Variants in SMYD3 observed in about 807,000 individuals in gnomAD.
SMYD3 encodes histone-lysine N-methyltransferase SMYD3.
SMYD3 carries 36 observed loss-of-function variants against 57.7 expected under a neutral mutation model. The ratio of observed to expected loss-of-function variants is 0.62; its 90% CI spans 0.48 to 0.82. The LOEUF is 0.82. SMYD3 is among the 40% of genes least tolerant of loss of function. The probability of loss-of-function intolerance (pLI) is 0.00; values close to 1 mark genes in which losing one functional copy is unlikely to be tolerated. For missense variants in SMYD3, 515 were observed against 538.8 expected (o/e 0.96, Z 0.44); for synonymous variants, 211 against 195.0 (o/e 1.08, Z -0.68).
chr1:246,247,444 ACTCTCTCTCTCTCTCTCT>A (rs143476169), intron 5 of SMYD3, among the ~76,000 whole-genome samples: 7,494 of 142,708 alleles, frequency 0.053, 279 homozygotes, highest in African/African-American at 0.089. Context: ...GAGAAGGATA[ACTCTCTCTCTCTCTCTCT>A]CTCTATATAT....
At chr1:246,284,728 A>G (rs1273855919) in intron 5 of SMYD3, among the ~76,000 whole-genome samples, 1 of 151,660 alleles carries the variant, frequency 6.6e-6, no homozygotes, top group African/African-American at 2.4e-5. Context: ...TAATTCTTTT[A>G]TTTTTCTTTA....
intron 8 of SMYD3, among the ~76,000 whole-genome samples, chr1:245,871,411 TC>T (rs1263785148): frequency 6.6e-6 from 1 of 152,198 alleles, no homozygotes; most frequent in Non-Finnish European, 1.5e-5. Context: ...GAAAAGTGGC[TC>T]TTTCATAAAG....
At chr1:246,250,031 A>T (rs1164854210) in intron 5 of SMYD3, among the ~76,000 whole-genome samples, 1 of 152,236 alleles carries the variant, frequency 6.6e-6, no homozygotes, top group African/African-American at 2.4e-5. Flanking sequence ...GAATAAATTC[A>T]AACGCATTCC....
intron 5 of SMYD3, among the ~76,000 whole-genome samples, chr1:245,948,567 C>A (rs958059042): frequency 2.0e-5 from 3 of 152,162 alleles, no homozygotes; most frequent in African/African-American, 7.2e-5. Context: ...GCCCCACATA[C>A]TGCTCGAGTC....
intron 8 of SMYD3, among the ~76,000 whole-genome samples, chr1:245,914,715 T>C (rs71636596): frequency 6.6e-6 from 1 of 152,218 alleles, no homozygotes; most frequent in African/African-American, 2.4e-5. Flanking sequence ...TATTTTATTG[T>C]ATATTCTCAA....
chr1:245,875,281 G>A (rs1164712216), intron 8 of SMYD3, among the ~76,000 whole-genome samples: 3 of 152,176 alleles, frequency 2.0e-5, no homozygotes, highest in Non-Finnish European at 2.9e-5. Flanking sequence ...AAGGTCTGAC[G>A]GAGCTTCATA....
At chr1:246,246,890 C>G (rs1327231104) in intron 5 of SMYD3, among the ~76,000 whole-genome samples, 1 of 151,284 alleles carries the variant, frequency 6.6e-6, no homozygotes, top group Non-Finnish European at 1.5e-5. Flanking sequence ...AATATAATTA[C>G]AGTCTCACAT....
At chr1:246,282,362 G>A (rs569775951) in intron 5 of SMYD3, among the ~76,000 whole-genome samples, 79 of 143,416 alleles carry the variant, frequency 5.5e-4, no homozygotes, top group Middle Eastern at 3.7e-3. Flanking sequence ...AGCTGGGGGT[G>A]GTGTTGCCCA....
At chr1:246,089,587 C>T (rs1490416019) in intron 5 of SMYD3, among the ~76,000 whole-genome samples, 1 of 152,128 alleles carries the variant, frequency 6.6e-6, no homozygotes, top group Non-Finnish European at 1.5e-5. Flanking sequence ...TTCACAGAAG[C>T]TTGTTGAAGA....
chr1:246,142,211 T>A (rs1328292038), intron 5 of SMYD3, among the ~76,000 whole-genome samples: 1 of 152,194 alleles, frequency 6.6e-6, no homozygotes, highest in Non-Finnish European at 1.5e-5. Context: ...TATACATACA[T>A]ACCTATGATA....
intron 5 of SMYD3, among the ~76,000 whole-genome samples, chr1:246,221,783 T>G (rs925442049): frequency 1.3e-5 from 2 of 152,100 alleles, no homozygotes; most frequent in African/African-American, 4.8e-5. Context: ...CCAGACTCCC[T>G]TTGAAGCACG....
intron 5 of SMYD3, among the ~76,000 whole-genome samples, chr1:246,260,358 T>C (rs1388224474): frequency 6.6e-6 from 1 of 152,244 alleles, no homozygotes; most frequent in Non-Finnish European, 1.5e-5. Context: ...CAGAGGTTGT[T>C]TGCCAGTGTT....
At chr1:246,241,049 T>C (rs2063599266) in intron 5 of SMYD3, among the ~76,000 whole-genome samples, 1 of 151,426 alleles carries the variant, frequency 6.6e-6, no homozygotes, top group Non-Finnish European at 1.5e-5. Context: ...AGGGACAATT[T>C]GACTTCCTCT....
At chr1:246,205,225 A>G (rs558168366) in intron 5 of SMYD3, among the ~76,000 whole-genome samples, 59 of 152,238 alleles carry the variant, frequency 3.9e-4, no homozygotes, top group Non-Finnish European at 7.6e-4. Flanking sequence ...GATACAGTTC[A>G]GCTATCACAA....
At chr1:245,970,939 A>G (rs1387077520) in intron 5 of SMYD3, among the ~76,000 whole-genome samples, 2 of 152,226 alleles carry the variant, frequency 1.3e-5, no homozygotes, top group Non-Finnish European at 2.9e-5. Context: ...CAGTGATCCC[A>G]TTACTGGGTA....
chr1:246,176,616 G>A (rs898520348), intron 5 of SMYD3, among the ~76,000 whole-genome samples: 51 of 152,070 alleles, frequency 3.4e-4, no homozygotes, highest in African/African-American at 1.0e-3. Flanking sequence ...TTGACCTCCC[G>A]GGCTCAGGCA....
At chr1:246,058,200 G>A (rs1291834891) in intron 5 of SMYD3, among the ~76,000 whole-genome samples, 1 of 152,158 alleles carries the variant, frequency 6.6e-6, no homozygotes, top group East Asian at 1.9e-4. Context: ...AACACCAAGA[G>A]TGAACGCTAA....
intron 10 of SMYD3, among the ~76,000 whole-genome samples, chr1:245,794,800 A>C (rs2047451511): frequency 6.6e-6 from 1 of 152,036 alleles, no homozygotes; most frequent in African/African-American, 2.4e-5. Context: ...CAATGACTAT[A>C]GTTTTCATTT....
chr1:246,145,372 A>G (rs1197435896), intron 5 of SMYD3, among the ~76,000 whole-genome samples: 1 of 152,232 alleles, frequency 6.6e-6, no homozygotes, highest in Non-Finnish European at 1.5e-5. Context: ...CCCAATTATT[A>G]CATATTAAAT....
Sources: gnomAD v4.1 joint callset for allele counts (sites outside exome capture counted in the v4.1 genomes callset) on GRCh38, gnomAD v4.1.1 for gene constraint, MANE v1.5 for transcripts, NCBI Gene and HGNC (gene_info 2026-07-23, HGNC 2026-07-21) for gene names.